TRANK1: variants seen among roughly 807,000 people sequenced by gnomAD.
The protein encoded by TRANK1 is TPR and ankyrin repeat-containing protein 1.
A neutral mutation model predicts 266.0 loss-of-function variants in TRANK1; 198 were observed. That is an observed-to-expected ratio of 0.74 (90% CI 0.66 to 0.84). The LOEUF is 0.84. TRANK1 is among the 40% of genes least tolerant of loss of function. The probability of loss-of-function intolerance (pLI) is 0.00; values close to 1 mark genes in which losing one functional copy is unlikely to be tolerated. For synonymous variants in TRANK1, 1,396 were observed against 1,384.1 expected, an observed-to-expected ratio of 1.01 and a Z score of -0.19; for missense variants, 3,326 against 3,634.6, an observed-to-expected ratio of 0.92 and a Z score of 2.18.
At chr3:36,842,884 G>C (rs549579967) in intron 17 of TRANK1, among the ~76,000 whole-genome samples, 174 bp from the exon 18 acceptor site, 1 of 152,278 alleles carries the variant, frequency 6.6e-6, no homozygotes, top group South Asian at 2.1e-4. Flanking sequence ...CTTTACAGAG[G>C]TGACTAGGTT....
rs375404156 is a variant in TRANK1, at chr3:36,860,100, G to A, written c.1495+806C>T. On this transcript the variant is annotated intron_variant, in intron 11 of 23. Coordinates refer to ENST00000645898, the MANE Select transcript of TRANK1 (RefSeq NM_001329998.2). ...TTGATAACACATAATGTTTTTTCTCGTAAAAGACAATTCCTCATACAGCAC... is the reference window on the plus strand; with the variant it reads ...TTGATAACACATAATGTTTTTTCTCATAAAAGACAATTCCTCATACAGCAC... Among the ~76,000 whole-genome samples the A allele has an allele frequency of 1.9e-4, 29 of 151,828 alleles. No individual in the cohort carries two copies. The East Asian group carries it at 2.9e-3, about 15-fold the overall frequency.
chr3:36,855,567 C>T lies in TRANK1; in HGVS notation c.4155G>A (p.Lys1385=). ...KLGRKRCPNF[K]EDRSEIYSLF... is the part of the protein sequence containing the mutation. ...GGCTGTAGATCTCACTCCGGTCTTC[C>T]TTGAAATTGGGGCACCGTTTCCTCC... The change falls in exon 13 of 24, where the codon AAG becomes AAA. Residue 1385 remains lysine (K), a synonymous_variant. Transcript: ENST00000645898. 6.2e-7 allele frequency: 1 copy of T among 1,613,706 alleles called. No individual in the cohort carries two copies. Among genetic ancestry groups the T allele is most frequent in the Non-Finnish European group, 8.5e-7 (1 of 1,179,798 alleles).
rs142702155 is a variant in TRANK1, at chr3:36,941,351, C to A, written c.23+3436G>T. ...TCCAAAAGACACACAGGGAGTCCCA[C>A]CAGCCCACCAGGCTCACAGGAGCTC... On this transcript the variant is annotated intron_variant, in intron 1 of 23. Transcript: ENST00000645898. Among the ~76,000 whole-genome samples the A allele has an allele frequency of 1.1e-4, 16 of 152,312 alleles. No individual in the cohort carries two copies. In the East Asian group the frequency reaches 2.9e-3, roughly 28 times the overall value.
At chr3:36,923,025 T>C (rs753745769) in intron 1 of TRANK1, among the ~76,000 whole-genome samples, 1 of 152,136 alleles carries the variant, frequency 6.6e-6, no homozygotes. Context: ...AATCTTCCAT[T>C]GCCCAACTAT....
At chr3:36,876,029 G>A (rs949624316) in intron 8 of TRANK1, among the ~76,000 whole-genome samples, 13 of 152,304 alleles carry the variant, frequency 8.5e-5, no homozygotes, top group African/African-American at 2.9e-4. Flanking sequence ...TACATGCAGA[G>A]AGGTACACAG....
intron 8 of TRANK1, among the ~76,000 whole-genome samples, chr3:36,883,231 A>G (rs2079555121): frequency 1.3e-5 from 2 of 152,292 alleles, no homozygotes; most frequent in Middle Eastern, 3.4e-3. Flanking sequence ...ACTTGAGCCC[A>G]GGAGTTTGAG....
intron 1 of TRANK1, among the ~76,000 whole-genome samples, chr3:36,937,476 A>G (rs2080440678): frequency 6.6e-6 from 1 of 152,192 alleles, no homozygotes; most frequent in African/African-American, 2.4e-5. Flanking sequence ...TCTCCAAGCA[A>G]GGAACAAACT....
chr3:36,895,580 G>T, intron 5 of TRANK1, 60 bp downstream of exon 5: 1 of 1,064,688 alleles, frequency 9.4e-7, no homozygotes, highest in Non-Finnish European at 1.3e-6. Flanking sequence ...AATGCCAATG[G>T]AAAGGAATCA....
At chr3:36,944,030 T>C (rs1361147634) in intron 1 of TRANK1, among the ~76,000 whole-genome samples, 1 of 152,160 alleles carries the variant, frequency 6.6e-6, no homozygotes, top group African/African-American at 2.4e-5. Flanking sequence ...TCAGCCGGGT[T>C]GCAAGTGCAC....
intron 13 of TRANK1, among the ~76,000 whole-genome samples, chr3:36,854,359 G>GA (rs1215551593): frequency 5.5e-5 from 7 of 127,478 alleles, no homozygotes; most frequent in Non-Finnish European, 8.5e-5. Flanking sequence ...GACTCTATCT[G>GA]AAAAAAACAA....
chr3:36,924,968 A>T (rs997281125), intron 1 of TRANK1, among the ~76,000 whole-genome samples: 2 of 152,136 alleles, frequency 1.3e-5, no homozygotes, highest in Non-Finnish European at 2.9e-5. Flanking sequence ...GGAAGAATTC[A>T]TCTCACACCA....
At position 36,832,178 on chromosome 3, in the gene TRANK1, G is replaced by A. The variant is rs369117311; in HGVS notation, c.7405C>T (p.Arg2469Cys). 68 of 1,613,824 alleles carry A rather than the reference G, an allele frequency of 4.2e-5. No individual in the cohort carries two copies. The highest frequency in any genetic ancestry group is 8.3e-5 in the Admixed American group (5 of 59,990). The change falls in exon 22 of 24, where the codon CGC becomes TGC. Residue 2469 changes from arginine to cysteine, a missense_variant. By Grantham distance (180) the Arg-to-Cys change is radical. Coordinates refer to ENST00000645898, the MANE Select transcript of TRANK1 (RefSeq NM_001329998.2). ...QFIHCGVVLARLWKNVILCLP... is the reference protein window; with the variant it reads ...QFIHCGVVLACLWKNVILCLP... ...CATAGAATGACATTCTTCCAGAGGC[G>A]GGCCAGCACCACCCCACAGTGGATG...
In TRANK1 at chr3:36,943,532, C is replaced by G. The variant is rs1218174118; in HGVS notation, c.23+1255G>C. On this transcript the variant is annotated intron_variant, in intron 1 of 23. Coordinates refer to ENST00000645898, the MANE Select transcript of TRANK1 (RefSeq NM_001329998.2). Reference sequence around the variant, plus strand: ...AAAGCCAACAAAGAGCATATGAACTCAAGCACCTATCCTGCAATCCTACAA... The same window carrying G: ...AAAGCCAACAAAGAGCATATGAACTGAAGCACCTATCCTGCAATCCTACAA... Among the ~76,000 whole-genome samples, 12 of 127,544 alleles carry G rather than the reference C, an allele frequency of 9.4e-5. No individual in the cohort carries two copies. The South Asian group carries it at 2.9e-3, about 31-fold the overall frequency. The allele number at this position is 127,544 out of a possible 152,430, so 83.7% of individuals were successfully genotyped here. A position where few individuals can be genotyped will look rare whatever the true frequency, so the allele number is the denominator to read the frequency against.
rs902191756 is a variant in TRANK1 at position 36,942,815 on chromosome 3, T to C, written c.23+1972A>G. Among the ~76,000 whole-genome samples the C allele has an allele frequency of 2.6e-4, 39 of 151,652 alleles. 2 individuals are homozygous for C. The highest frequency in any genetic ancestry group is 2.0e-4 in the Admixed American group (3 of 15,186). On this transcript the variant is annotated intron_variant, in intron 1 of 23. Coordinates refer to ENST00000645898, the MANE Select transcript of TRANK1 (RefSeq NM_001329998.2). The stretch of plus-strand genomic sequence containing the variant: ...AGAGCGGCGGAAACAGAACCTGCAG[T>C]TGCCCCATAAAGCTGGTCAGTCGGT...
At chr3:36,844,816 C>G (rs1344579811) in intron 17 of TRANK1, among the ~76,000 whole-genome samples, 1 of 152,040 alleles carries the variant, frequency 6.6e-6, no homozygotes, top group Non-Finnish European at 1.5e-5. Flanking sequence ...CCAGAAATAG[C>G]CTCCAAACTG....
At position 36,879,853 on chromosome 3, in the gene TRANK1, T is replaced by TATACAAATATATGTAAAC. The variant is rs1559449050; in HGVS notation, c.908-5575_908-5558dup. On this transcript the variant is annotated intron_variant, in intron 8 of 23. Coordinates refer to ENST00000645898, the MANE Select transcript of TRANK1 (RefSeq NM_001329998.2). The stretch of plus-strand genomic sequence containing the variant: ...ATGTAAATATACAAATATATGTAAA[T>TATACAAATATATGTAAAC]ATACAAATATATGTAAACATACAAA... Among the ~76,000 whole-genome samples, 210 of 86,714 alleles carry TATACAAATATATGTAAAC rather than the reference T, an allele frequency of 2.4e-3. 16 individuals are homozygous for TATACAAATATATGTAAAC. Among genetic ancestry groups the TATACAAATATATGTAAAC allele is most frequent in the Middle Eastern group, 9.3e-3 (1 of 108 alleles). The allele number at this position is 86,714 out of a possible 152,430, so 56.9% of individuals were successfully genotyped here.
rs2080298822 is a variant in TRANK1, at chr3:36,927,086, G to C, written c.23+17701C>G. The stretch of plus-strand genomic sequence containing the variant: ...TAATGAATCCCCTTTGGAGCCAGCA[G>C]AACAAAATTTGAGGCTGCAAATGCT... On this transcript the variant is annotated intron_variant, in intron 1 of 23. Transcript: ENST00000645898. Among the ~76,000 whole-genome samples the C allele has an allele frequency of 2.0e-5, 3 of 152,170 alleles. No homozygotes were observed. The South Asian group carries it at 6.2e-4, about 32-fold the overall frequency.
At chr3:36,936,539 C>T (rs148201065) in intron 1 of TRANK1, among the ~76,000 whole-genome samples, 4 of 151,458 alleles carry the variant, frequency 2.6e-5, no homozygotes, top group African/African-American at 9.7e-5. Context: ...ATAGGGTTGC[C>T]AACACTTAAT....
chr3:36,834,712 A>G, intron 21 of TRANK1, 50 bp downstream of exon 21: 2 of 1,575,296 alleles, frequency 1.3e-6, no homozygotes, highest in Admixed American at 1.8e-5. Flanking sequence ...CTGCCCCCAG[A>G]GAGAAGTGGG....
Sources: gnomAD v4.1 joint callset for allele counts (sites outside exome capture counted in the v4.1 genomes callset) on GRCh38, gnomAD v4.1.1 for gene constraint, MANE v1.5 for transcripts, NCBI Gene and HGNC (gene_info 2026-07-23, HGNC 2026-07-21) for gene names.